ECPAS: variants seen among roughly 807,000 people sequenced by gnomAD.
ECPAS encodes the protein Ecm29 proteasome adaptor and scaffold, also known as proteasome adapter and scaffold protein ECM29.
Under a neutral mutation model 255.1 loss-of-function variants are expected in ECPAS, and 70 were observed. The observed-to-expected ratio is 0.27, with a 90% CI of 0.23 to 0.33. ECPAS has a LOEUF of 0.33. Ranked by LOEUF, ECPAS falls within the 10% of genes least tolerant of loss-of-function variation. ECPAS has a pLI of 1.00. For synonymous variants in ECPAS, 784 were observed against 775.0 expected (o/e 1.01, Z -0.19); for missense variants, 1,817 against 2,206.4 (o/e 0.82, Z 3.54).
chr9:111,437,105 G>A lies in ECPAS; in HGVS notation c.543C>T (p.Tyr181=), dbSNP rs370303360. The A allele has an allele frequency of 2.3e-5, 36 of 1,596,994 alleles. 2 individuals are homozygous for A. The highest frequency in any genetic ancestry group is 1.4e-4 in the South Asian group (12 of 87,954). ...MLDVLLMPYG[Y]VLNESQSRQN... is the part of the protein sequence containing the mutation. Reference sequence around the variant, plus strand: ...GGCGACTCTGGGATTCATTTAACACGTAACTGGAAAGGAAATAACACTTTA... The same window carrying A: ...GGCGACTCTGGGATTCATTTAACACATAACTGGAAAGGAAATAACACTTTA... The change falls in exon 7 of 50, where the codon TAC becomes TAT. Residue 181 remains tyrosine (Y), a synonymous_variant. Transcript: ENST00000684092.
At position 111,422,178 on chromosome 9, in the gene ECPAS, T is replaced by C. The variant is rs1324804346; in HGVS notation, c.1288A>G (p.Lys430Glu). The C allele has an allele frequency of 1.2e-6, 2 of 1,613,666 alleles. No individual in the cohort carries two copies. The highest frequency in any genetic ancestry group is 1.7e-6 in the Non-Finnish European group (2 of 1,179,704). Residue 430 changes from lysine (K) to glutamate (E), a missense_variant, in exon 14 of 50, where the codon AAG becomes GAG. Physicochemically the swap from Lys to Glu is moderately conservative, Grantham distance 56. Transcript: ENST00000684092. ...LSSRMPHLFT[K>E]DIALVQQLFE... ...AGCTGCTGCACAAGCGCTATATCCTTAGTGAATAAATGTGGCATCCGACTG... is the reference window on the plus strand; with the variant it reads ...AGCTGCTGCACAAGCGCTATATCCTCAGTGAATAAATGTGGCATCCGACTG...
rs138994858 is a variant in ECPAS at position 111,427,977 on chromosome 9, T to C, written c.1050+65A>G. The stretch of plus-strand genomic sequence containing the variant: ...CACTGAATATCCATTAACACAGTTC[T>C]TTCTCTAATTAAATAGACATAAAAG... On this transcript the variant is annotated intron_variant, in intron 10 of 49. Coordinates refer to ENST00000684092, the MANE Select transcript of ECPAS (RefSeq NM_001364929.1). The C allele has an allele frequency of 3.4e-6, 5 of 1,480,880 alleles. No homozygotes were observed. The African/African-American group carries it at 5.6e-5, about 16-fold the overall frequency. 91.7% of individuals were successfully genotyped at this position (1,480,880 alleles called of 1,614,324 possible).
In ECPAS at chr9:111,389,470, G is replaced by C. The variant is rs1193290796; in HGVS notation, c.3447+86C>G. On this transcript the variant is annotated intron_variant, in intron 31 of 49. Transcript: ENST00000684092. ...AACAAGTAAACATAAAAAGTAGAAAGGAAGATGGACACTGGGTTTAAATCC... is the reference window on the plus strand; with the variant it reads ...AACAAGTAAACATAAAAAGTAGAAACGAAGATGGACACTGGGTTTAAATCC... 5 of 1,191,654 alleles carry C rather than the reference G, an allele frequency of 4.2e-6. No homozygotes were observed. The African/African-American group carries it at 4.6e-5, about 11-fold the overall frequency. The allele number at this position is 1,191,654 out of a possible 1,614,324, so 73.8% of individuals were successfully genotyped here.
At chr9:111,483,484 G>T in intron 1 of ECPAS, 1 of 977,718 alleles carries the variant, frequency 1.0e-6, no homozygotes, top group Non-Finnish European at 1.2e-6. Flanking sequence ...CGCGGCCGCA[G>T]GTTCGGCCGC....
At chr9:111,365,423 TG>T (rs1173206928) in intron 48 of ECPAS, 1 of 152,938 alleles carries the variant, frequency 6.5e-6, no homozygotes, top group Non-Finnish European at 1.5e-5. Flanking sequence ...TCCAGTACTT[TG>T]GGAGGCCAAG....
At chr9:111,383,418 T>C in intron 34 of ECPAS, 86 bp from the exon 35 acceptor site, 1 of 1,469,282 alleles carries the variant, frequency 6.8e-7, no homozygotes, top group Non-Finnish European at 9.2e-7. Flanking sequence ...CTACTTCACA[T>C]ATCTACAGGG....
chr9:111,393,162 C>T (rs1179542434), intron 27 of ECPAS, among the ~76,000 whole-genome samples: 4 of 152,118 alleles, frequency 2.6e-5, no homozygotes, highest in South Asian at 2.1e-4. Context: ...GACAGTGCAG[C>T]GACAGATTAT....
intron 24 of ECPAS, among the ~76,000 whole-genome samples, chr9:111,407,406 A>AAAAAAAAG (rs2098186086): frequency 1.1e-5 from 1 of 94,744 alleles, no homozygotes; most frequent in African/African-American, 4.8e-5. Context: ...CATCTCAGAA[A>AAAAAAAAG]AAAAAAAAAA....
intron 43 of ECPAS, 83 bp from the exon 44 acceptor site, chr9:111,370,848 G>A (rs1589112444): frequency 7.6e-7 from 1 of 1,312,738 alleles, no homozygotes; most frequent in South Asian, 1.3e-5. Context: ...AATTACCTTA[G>A]GAATTTTTGA....
chr9:111,409,148 T>A (rs2098189922), intron 23 of ECPAS, among the ~76,000 whole-genome samples: 1 of 152,196 alleles, frequency 6.6e-6, no homozygotes, highest in Admixed American at 6.5e-5. Flanking sequence ...CTTAACATAC[T>A]CTCCGGCACA....
At chr9:111,432,490 T>C (rs1357189042) in intron 8 of ECPAS, among the ~76,000 whole-genome samples, 1 of 152,242 alleles carries the variant, frequency 6.6e-6, no homozygotes, top group Non-Finnish European at 1.5e-5. Context: ...GGCCAGCACC[T>C]GTAGTCCCAG....
chr9:111,393,163 G>A (rs571039217), intron 27 of ECPAS, among the ~76,000 whole-genome samples: 3 of 152,136 alleles, frequency 2.0e-5, no homozygotes, highest in Non-Finnish European at 4.4e-5. Context: ...ACAGTGCAGC[G>A]ACAGATTATC....
Position 111,394,187 on chromosome 9 carries a change from C to T in ECPAS, c.2895G>A (p.Arg965=). The T allele has an allele frequency of 4.4e-6, 7 of 1,608,692 alleles. No homozygotes were observed. The highest frequency in any genetic ancestry group is 5.1e-6 in the Non-Finnish European group (6 of 1,177,424). ...TCACTTCTTTGTGGGTACTTAGCTT[C>T]CTGACAAGGGAAAGGAGCCAGATGC... ...AACIWLLSLV[R]KLSTHKEVKS... is the part of the protein sequence containing the mutation. The change falls in exon 26 of 50, where the codon AGG becomes AGA. Residue 965 remains arginine, a synonymous_variant. Coordinates refer to ENST00000684092, the MANE Select transcript of ECPAS (RefSeq NM_001364929.1).
intron 48 of ECPAS, among the ~76,000 whole-genome samples, chr9:111,364,262 G>A (rs571274251): frequency 6.6e-6 from 1 of 152,272 alleles, no homozygotes; most frequent in Non-Finnish European, 1.5e-5. Flanking sequence ...GGCATGAGAT[G>A]GGCCTTATCA....
rs181268726 is a variant in ECPAS, at chr9:111,399,391, G to A, written c.2653-2238C>T. 1.4e-4 allele frequency among the ~76,000 whole-genome samples: 21 copies of A among 152,302 alleles called. No individual in the cohort carries two copies. The East Asian group carries it at 2.9e-3, about 21-fold the overall frequency. ...CACACTGCCTATACCACCCCTCCCC[G>A]AGTCCCAGGCAGCACAGCTTGGAAA... On this transcript the variant is annotated intron_variant, in intron 24 of 49. Transcript: ENST00000684092.
intron 36 of ECPAS, 51 bp from the exon 37 acceptor site, chr9:111,376,592 A>T: frequency 7.2e-7 from 1 of 1,381,180 alleles, no homozygotes; most frequent in Non-Finnish European, 1.0e-6. Context: ...ATTAGGAATA[A>T]TCCGCACAAA....
intron 2 of ECPAS, among the ~76,000 whole-genome samples, chr9:111,460,082 T>C (rs1180774992): frequency 6.6e-6 from 1 of 152,020 alleles, no homozygotes; most frequent in African/African-American, 2.4e-5. Flanking sequence ...AAGTAAAAAA[T>C]ATGAGTCAAA....
At chr9:111,467,354 T>C (rs925732902) in intron 2 of ECPAS, among the ~76,000 whole-genome samples, 1 of 152,168 alleles carries the variant, frequency 6.6e-6, no homozygotes, top group Non-Finnish European at 1.5e-5. Context: ...TCAAAAGGAA[T>C]AGAGAAAGGA....
chr9:111,410,301 A>G (rs1589158264), intron 22 of ECPAS, 88 bp from the exon 23 acceptor site: 1 of 1,100,672 alleles, frequency 9.1e-7, no homozygotes, highest in East Asian at 2.6e-5. Flanking sequence ...GTTTTTTTTA[A>G]GACGGCAAAA....
Sources: gnomAD v4.1 joint callset for allele counts (sites outside exome capture counted in the v4.1 genomes callset) on GRCh38, gnomAD v4.1.1 for gene constraint, MANE v1.5 for transcripts, NCBI Gene and HGNC (gene_info 2026-07-23, HGNC 2026-07-21) for gene names.